CTNNA3: variants seen among roughly 807,000 people sequenced by gnomAD.
The protein encoded by CTNNA3 is catenin alpha 3, also known as catenin alpha-3.
A neutral mutation model predicts 95.7 loss-of-function variants in CTNNA3; 76 were observed. The ratio of observed to expected loss-of-function variants is 0.79; its 90% CI spans 0.66 to 0.96. The LOEUF (loss-of-function observed/expected upper bound fraction) is 0.96. CTNNA3 is among the 40% of genes least tolerant of loss of function. The probability of loss-of-function intolerance (pLI) is 0.00; values close to 1 mark genes in which losing one functional copy is unlikely to be tolerated. For missense variants in CTNNA3, 1,191 were observed against 1,089.8 expected (o/e 1.09, Z -1.31); for synonymous variants, 431 against 374.4 (o/e 1.15, Z -1.74).
chr10:67,339,179 C>T (rs1313971641), intron 5 of CTNNA3, among the ~76,000 whole-genome samples: 1 of 152,142 alleles, frequency 6.6e-6, no homozygotes. Flanking sequence ...ACTCATTCTT[C>T]AGGATAAATT....
At chr10:66,194,836 T>C (rs1301839864) in intron 13 of CTNNA3, among the ~76,000 whole-genome samples, 4 of 152,246 alleles carry the variant, frequency 2.6e-5, no homozygotes, top group Non-Finnish European at 4.4e-5. Context: ...GTTAAATACA[T>C]TTATGTTGAA....
intron 10 of CTNNA3, among the ~76,000 whole-genome samples, chr10:66,527,273 A>G (rs1459643651): frequency 6.6e-6 from 1 of 152,100 alleles, no homozygotes; most frequent in African/African-American, 2.4e-5. Context: ...TATGCCATTT[A>G]TCTATATGTC....
intron 7 of CTNNA3, among the ~76,000 whole-genome samples, chr10:66,960,032 G>A (rs1185373785): frequency 1.3e-5 from 2 of 152,006 alleles, no homozygotes; most frequent in African/African-American, 4.8e-5. Context: ...CTTCAAGCCA[G>A]GTATGTAAGT....
chr10:65,970,895 A>G (rs980356564), intron 16 of CTNNA3, among the ~76,000 whole-genome samples: 3 of 151,426 alleles, frequency 2.0e-5, no homozygotes, highest in African/African-American at 7.3e-5. Context: ...CTAGATCTAC[A>G]AAAAGGCTTA....
chr10:67,323,399 T>C (rs1355188383), intron 5 of CTNNA3, among the ~76,000 whole-genome samples: 1 of 152,192 alleles, frequency 6.6e-6, no homozygotes, highest in East Asian at 1.9e-4. Flanking sequence ...TTGTATACGG[T>C]GTAAGGAAGG....
intron 5 of CTNNA3, among the ~76,000 whole-genome samples, chr10:67,358,193 A>G (rs1052021237): frequency 6.6e-6 from 1 of 152,166 alleles, no homozygotes; most frequent in Non-Finnish European, 1.5e-5. Context: ...AAGAAAACAT[A>G]GAAGAAAATC....
At chr10:66,916,160 C>T (rs780490233) in intron 7 of CTNNA3, among the ~76,000 whole-genome samples, 5 of 152,156 alleles carry the variant, frequency 3.3e-5, no homozygotes, top group Admixed American at 6.5e-5. Context: ...CCTTAAACTG[C>T]AAGAAAAGCA....
intron 7 of CTNNA3, among the ~76,000 whole-genome samples, chr10:66,885,207 T>C (rs1439123601): frequency 6.6e-6 from 1 of 152,122 alleles, no homozygotes; most frequent in Non-Finnish European, 1.5e-5. Flanking sequence ...GTTTCTGTAA[T>C]AGTTGTGGAT....
At chr10:66,209,927 GA>G (rs2088025130) in intron 13 of CTNNA3, among the ~76,000 whole-genome samples, 1 of 152,120 alleles carries the variant, frequency 6.6e-6, no homozygotes, top group Admixed American at 6.6e-5. Context: ...AAGAGAGACA[GA>G]GATAGAGGCA....
intron 5 of CTNNA3, among the ~76,000 whole-genome samples, chr10:67,313,389 G>A (rs1239812672): frequency 2.0e-5 from 3 of 151,148 alleles, no homozygotes; most frequent in African/African-American, 4.9e-5. Context: ...CTGAGATCGC[G>A]CCACTGCACT....
chr10:66,723,607 G>A (rs1232542860), intron 9 of CTNNA3, among the ~76,000 whole-genome samples: 1 of 152,224 alleles, frequency 6.6e-6, no homozygotes, highest in Non-Finnish European at 1.5e-5. Context: ...GACCCTGATT[G>A]TGAATAATGG....
At chr10:66,473,132 T>C (rs1285543858) in intron 11 of CTNNA3, among the ~76,000 whole-genome samples, 1 of 151,984 alleles carries the variant, frequency 6.6e-6, no homozygotes, top group East Asian at 1.9e-4. Context: ...ATCCAACACT[T>C]TATACATTTA....
At chr10:66,673,139 T>C (rs1018451471) in intron 9 of CTNNA3, among the ~76,000 whole-genome samples, 12 of 152,088 alleles carry the variant, frequency 7.9e-5, no homozygotes, top group African/African-American at 2.9e-4. Context: ...CTATTGCTAA[T>C]GAGGCATTAA....
In CTNNA3 at chr10:65,953,090, T is replaced by C. The variant is rs372506075; in HGVS notation, c.2400+13522A>G. The stretch of plus-strand genomic sequence containing the variant: ...GTTCCTGAATTTCCTTTTTCATATA[T>C]ACAGGCTAGAATATAACAATAGTTA... On this transcript the variant is annotated intron_variant, in intron 17 of 17. Transcript: ENST00000433211. Among the ~76,000 whole-genome samples, 25 of 152,312 alleles carry C rather than the reference T, an allele frequency of 1.6e-4. 2 individuals carry two copies. The East Asian group carries it at 3.9e-3, about 24-fold the overall frequency.
chr10:66,586,829 G>T (rs1012024492), intron 10 of CTNNA3, among the ~76,000 whole-genome samples: 1 of 152,112 alleles, frequency 6.6e-6, no homozygotes, highest in Non-Finnish European at 1.5e-5. Context: ...GAAGTTAAGG[G>T]ACTCAAGGCC....
intron 5 of CTNNA3, among the ~76,000 whole-genome samples, chr10:67,291,472 T>C (rs910513183): frequency 3.3e-5 from 5 of 152,224 alleles, no homozygotes; most frequent in Non-Finnish European, 7.3e-5. Context: ...TTCTCCTCTC[T>C]CTAGCATTTC....
intron 5 of CTNNA3, among the ~76,000 whole-genome samples, chr10:67,410,091 G>C (rs1032966109): frequency 6.6e-6 from 1 of 152,046 alleles, no homozygotes; most frequent in African/African-American, 2.4e-5. Context: ...CAATAGAAAA[G>C]ATATAGAATC....
chr10:66,350,600 AG>A (rs1216224129), intron 12 of CTNNA3, among the ~76,000 whole-genome samples: 2 of 133,380 alleles, frequency 1.5e-5, no homozygotes, highest in Non-Finnish European at 3.5e-5. Context: ...GAAATTGGAA[AG>A]GGGCTCCTGA....
intron 17 of CTNNA3, among the ~76,000 whole-genome samples, chr10:65,946,765 T>G (rs1212004955): frequency 6.6e-6 from 1 of 152,128 alleles, no homozygotes; most frequent in Admixed American, 6.5e-5. Flanking sequence ...TCCTAAACAT[T>G]TCTGTAAATA....
Sources: gnomAD v4.1 joint callset for allele counts (sites outside exome capture counted in the v4.1 genomes callset) on GRCh38, gnomAD v4.1.1 for gene constraint, MANE v1.5 for transcripts, NCBI Gene and HGNC (gene_info 2026-07-23, HGNC 2026-07-21) for gene names.